Variants in GOLGA1 observed in about 807,000 individuals in gnomAD.
GOLGA1 encodes golgin A1.
Under a neutral mutation model 119.7 loss-of-function variants are expected in GOLGA1, and 63 were observed. The observed-to-expected ratio is 0.53, with a 90% CI of 0.43 to 0.65. The LOEUF is 0.65. Ranked by LOEUF, GOLGA1 falls within the 30% of genes least tolerant of loss-of-function variation. The pLI is 0.00. For missense variants in GOLGA1, 798 were observed against 912.8 expected (o/e 0.87, Z 1.62); for synonymous variants, 318 against 333.4 (o/e 0.95, Z 0.50).
intron 15 of GOLGA1, among the ~76,000 whole-genome samples, chr9:124,896,935 A>C (rs1021973059): frequency 1.2e-4 from 18 of 152,112 alleles, no homozygotes; most frequent in Admixed American, 6.5e-5. Flanking sequence ...CTGTCTCAAA[A>C]AAAAAAAGAC....
chr9:124,915,688 A>G (rs924971006), intron 10 of GOLGA1, among the ~76,000 whole-genome samples: 1 of 152,144 alleles, frequency 6.6e-6, no homozygotes, highest in Non-Finnish European at 1.5e-5. Context: ...TTTCTCTACA[A>G]AAGTAAAAAA....
upstream of GOLGA1, chr9:124,945,873 T>C (rs930123885): frequency 6.6e-6 from 1 of 152,102 alleles, no homozygotes; most frequent in Admixed American, 6.6e-5. Context: ...CTTTTTTTTT[T>C]AAGTGGTCCC....
rs1829794060 is a variant in GOLGA1, at chr9:124,889,054, T to C, written c.1761+89A>G. 8 of 1,010,090 alleles carry C rather than the reference T, an allele frequency of 7.9e-6. No individual in the cohort carries two copies. In the East Asian group the frequency reaches 1.5e-4, roughly 19 times the overall value. 62.6% of individuals were successfully genotyped at this position (1,010,090 alleles called of 1,614,324 possible). ...ATGCAGGGGAGCGTCGTGTCCACCATGTGTCCCCACTGCTGCCTCCTTAGG... is the reference window on the plus strand; with the variant it reads ...ATGCAGGGGAGCGTCGTGTCCACCACGTGTCCCCACTGCTGCCTCCTTAGG... On this transcript the variant is annotated intron_variant, in intron 18 of 22. Transcript: ENST00000373555.
At position 124,912,003 on chromosome 9, in the gene GOLGA1, T is replaced by C; in HGVS notation, c.867A>G (p.Lys289=). 1 of 1,613,548 alleles carries C rather than the reference T, an allele frequency of 6.2e-7. No homozygotes were observed. Among genetic ancestry groups the C allele is most frequent in the Middle Eastern group, 1.7e-4 (1 of 6,060 alleles). The change falls in exon 11 of 23, where the codon AAA becomes AAG. Residue 289 remains lysine, a synonymous_variant. Coordinates refer to ENST00000373555, the MANE Select transcript of GOLGA1 (RefSeq NM_002077.4). ...CTTGCAAATGTGTGATAACGTCTTC[T>C]TTCTCTTGAGTTTCAGCAGTGACCT... is the stretch of plus-strand genomic sequence containing the variant. The part of the protein sequence containing the change: ...LQKVTAETQE[K]EDVITHLQEK...
In GOLGA1 at chr9:124,921,712, C is replaced by T; in HGVS notation, c.731+11G>A. 1 of 1,608,292 alleles carries T rather than the reference C, an allele frequency of 6.2e-7. No homozygotes were observed. The highest frequency in any genetic ancestry group is 8.5e-7 in the Non-Finnish European group (1 of 1,176,426). On this transcript the variant is annotated intron_variant, in intron 9 of 22. Coordinates refer to ENST00000373555, the MANE Select transcript of GOLGA1 (RefSeq NM_002077.4). Reference sequence around the variant, plus strand: ...ACCTCTTCCCAAGGGCCCCACAGACCAAGCAAGAACCTCTGCTCTTCCAGC... The same window carrying T: ...ACCTCTTCCCAAGGGCCCCACAGACTAAGCAAGAACCTCTGCTCTTCCAGC...
intron 15 of GOLGA1, among the ~76,000 whole-genome samples, chr9:124,897,481 T>C (rs762637789): frequency 8.5e-5 from 13 of 152,158 alleles, no homozygotes; most frequent in Admixed American, 2.0e-4. Flanking sequence ...GTTGGGATTA[T>C]AGGCGCACAC....
intron 10 of GOLGA1, among the ~76,000 whole-genome samples, chr9:124,919,167 G>C (rs1407212201): frequency 6.6e-6 from 1 of 151,994 alleles, no homozygotes; most frequent in Non-Finnish European, 1.5e-5. Flanking sequence ...TGAGGTGGAA[G>C]GATCACTTCA....
upstream of GOLGA1, chr9:124,944,439 A>T: frequency 6.9e-6 from 1 of 145,744 alleles, no homozygotes; most frequent in African/African-American, 2.6e-5. Context: ...AGCTGGGATT[A>T]CAGGCGCACA....
intron 3 of GOLGA1, among the ~76,000 whole-genome samples, chr9:124,938,231 G>C (rs1461119493): frequency 1.3e-5 from 2 of 152,142 alleles, no homozygotes; most frequent in African/African-American, 4.8e-5. Context: ...CAATGACTTA[G>C]TTGTTATATA....
At chr9:124,944,491 T>TTTTTTTTTTTA (rs1831111384), upstream of GOLGA1, 1 of 150,050 alleles carries the variant, frequency 6.7e-6, no homozygotes, top group Non-Finnish European at 1.5e-5. Context: ...TTTTTTTTTT[T>TTTTTTTTTTTA]GTATTTTAGT....
At chr9:124,890,304 C>G in intron 16 of GOLGA1, 85 bp downstream of exon 16, 12 of 932,612 alleles carry the variant, frequency 1.3e-5, no homozygotes, top group Non-Finnish European at 1.9e-5. Context: ...GAGACAGGCC[C>G]TCTCCAACAG....
At chr9:124,890,616 T>TGGCCCCTCCCTGCCA in intron 15 of GOLGA1, 138 bp from the exon 16 acceptor site, 1 of 721,292 alleles carries the variant, frequency 1.4e-6, no homozygotes, top group Non-Finnish European at 2.5e-6. Flanking sequence ...GCTCCCAGCC[T>TGGCCCCTCCCTGCCA]GGCCCCTCCC....
chr9:124,916,697 G>A (rs1385631710), intron 10 of GOLGA1, among the ~76,000 whole-genome samples: 1 of 151,730 alleles, frequency 6.6e-6, no homozygotes, highest in East Asian at 1.9e-4. Context: ...AACATAGTGA[G>A]ACCTTAACTA....
At chr9:124,894,230 T>C (rs935169328) in intron 15 of GOLGA1, among the ~76,000 whole-genome samples, 4 of 152,224 alleles carry the variant, frequency 2.6e-5, no homozygotes, top group Non-Finnish European at 4.4e-5. Flanking sequence ...GCGTCTTCTC[T>C]GTCGGCCCCT....
In GOLGA1 at chr9:124,908,474, T is replaced by C. The variant is rs747138485; in HGVS notation, c.970-2A>G. 4.0e-5 allele frequency: 61 copies of C among 1,541,732 alleles called. No individual in the cohort carries two copies. Among genetic ancestry groups the C allele is most frequent in the Non-Finnish European group, 5.3e-5 (59 of 1,113,892 alleles). On this transcript the variant is annotated splice_acceptor_variant, in intron 11 of 22. Transcript: ENST00000373555. LOFTEE classifies it high-confidence loss of function. ...CAAATTCTGCTCAGCAAGTGTTTTCTGTAAGTTGAAAGAAGAGTAAAAGAA... is the reference window on the plus strand; with the variant it reads ...CAAATTCTGCTCAGCAAGTGTTTTCCGTAAGTTGAAAGAAGAGTAAAAGAA...
intron 7 of GOLGA1, among the ~76,000 whole-genome samples, chr9:124,924,727 A>C (rs1214002976): frequency 1.3e-5 from 2 of 151,854 alleles, no homozygotes; most frequent in Admixed American, 1.3e-4. Context: ...AAAAAAAAAA[A>C]AAAAACTTTA....
At chr9:124,908,901 G>A (rs1173412247) in intron 11 of GOLGA1, among the ~76,000 whole-genome samples, 1 of 152,194 alleles carries the variant, frequency 6.6e-6, no homozygotes, top group Non-Finnish European at 1.5e-5. Context: ...AAATGATGAT[G>A]GGTTTAGGTC....
Position 124,880,343 on chromosome 9 carries a change from G to T in GOLGA1, c.*187C>A. The T allele has an allele frequency of 2.1e-6, 1 of 483,592 alleles. No homozygotes were observed. Among genetic ancestry groups the T allele is most frequent in the Non-Finnish European group, 3.9e-6 (1 of 258,440 alleles). The allele number at this position is 483,592 out of a possible 1,614,324, so 30.0% of individuals were successfully genotyped here. On this transcript the variant is annotated 3_prime_UTR_variant, in exon 23 of 23. Transcript: ENST00000373555. ...TCCTGTTTGGTGACCAGAATGACAG[G>T]ATCAGCTACCCCCTGAGGTTCAGGT...
chr9:124,919,278 A>C (rs1830516182), intron 10 of GOLGA1, among the ~76,000 whole-genome samples: 1 of 152,110 alleles, frequency 6.6e-6, no homozygotes, highest in African/African-American at 2.4e-5. Context: ...AAAAGAAAAG[A>C]AAAAAGAAAA....
Sources: allele counts gnomAD v4.1 joint callset (sites outside exome capture counted in the v4.1 genomes callset), GRCh38; gene constraint gnomAD v4.1.1; transcripts MANE v1.5; gene names NCBI Gene and HGNC (gene_info 2026-07-23, HGNC 2026-07-21).